Variants in CPT1C observed in about 807,000 individuals in gnomAD.
CPT1C encodes carnitine palmitoyltransferase 1C.
CPT1C carries 61 observed loss-of-function variants against 97.3 expected under a neutral mutation model. That is an observed-to-expected ratio of 0.63 (90% CI 0.51 to 0.78). The LOEUF is 0.78. CPT1C is among the 30% of genes least tolerant of loss of function. The pLI is 0.00. For missense variants in CPT1C, 975 were observed against 1,065.5 expected (o/e 0.92, Z 1.18); for synonymous variants, 469 against 447.2 (o/e 1.05, Z -0.61).
Position 49,701,641 on chromosome 19 carries a change from C to A in CPT1C, c.693+7C>A, listed in dbSNP as rs775067676. On this transcript the variant is annotated splice_region_variant and intron_variant, in intron 7 of 19. Transcript: ENST00000598293. ...CTGGTGGGCGTCCAATTATGTGAGT[C>A]CCGCCACCGCCACCAACGCCCCACC... is the stretch of plus-strand genomic sequence containing the variant. 8 of 1,587,960 alleles carry A rather than the reference C, an allele frequency of 5.0e-6. No homozygotes were observed. The highest frequency in any genetic ancestry group is 6.9e-6 in the Non-Finnish European group (8 of 1,162,354).
At chr19:49,697,282 A>AG in intron 3 of CPT1C, 44 bp from the exon 4 acceptor site, 2 of 1,612,258 alleles carry the variant, frequency 1.2e-6, no homozygotes, top group East Asian at 4.5e-5. Context: ...AGGGGCTCAG[A>AG]GGAGAGGGCA....
At chr19:49,703,582 TCCC>T (rs2083324030) in intron 7 of CPT1C, among the ~76,000 whole-genome samples, 1 of 38,712 alleles carries the variant, frequency 2.6e-5, no homozygotes, top group Admixed American at 3.8e-4. Context: ...CCTCCCTCCC[TCCC>T]TCCCTCCCTC....
intron 10 of CPT1C, 26 bp from the exon 11 acceptor site, chr19:49,705,883 C>CA: frequency 6.3e-7 from 1 of 1,594,786 alleles, no homozygotes; most frequent in Non-Finnish European, 8.6e-7. Context: ...TTCCTGCCCC[C>CA]ATGCTTCTGC....
chr19:49,709,029 C>T (rs868792108), intron 14 of CPT1C, among the ~76,000 whole-genome samples, 190 bp downstream of exon 14: 3 of 150,948 alleles, frequency 2.0e-5, no homozygotes, highest in African/African-American at 4.9e-5. Context: ...CGAACCTCAT[C>T]TCCAGCCCCA....
intron 17 of CPT1C, chr19:49,712,528 GGAGAA>G (rs2083962073): frequency 1.7e-6 from 1 of 577,662 alleles, no homozygotes; most frequent in African/African-American, 1.9e-5. Flanking sequence ...GTGGTCCGAG[GGAGAA>G]GAGGAGAGGG....
chr19:49,706,220 G>A lies in CPT1C; in HGVS notation c.1161-11G>A, dbSNP rs368217937. 12 of 1,532,568 alleles carry A rather than the reference G, an allele frequency of 7.8e-6. No homozygotes were observed. Among genetic ancestry groups the A allele is most frequent in the East Asian group, 2.3e-5 (1 of 43,564 alleles). The allele number at this position is 1,532,568 out of a possible 1,614,324, so 94.9% of individuals were successfully genotyped here. A position where few individuals can be genotyped will look rare whatever the true frequency, so the allele number is the denominator to read the frequency against. ...GGCAGGATGGACTCAGGCACATCCC[G>A]GGCCCTCCAGGGGCACGTGGGCCCA... On this transcript the variant is annotated splice_polypyrimidine_tract_variant and intron_variant, in intron 11 of 19. Coordinates refer to ENST00000598293, the MANE Select transcript of CPT1C (RefSeq NM_001199753.2). The surrounding 1 kb of genome is among the most constrained non-coding windows in gnomAD (Gnocchi z 4.8).
chr19:49,711,074 G>T (rs1387619195), intron 16 of CPT1C: 4 of 450,560 alleles, frequency 8.9e-6, no homozygotes, highest in Non-Finnish European at 1.6e-5. Context: ...CAGGGCACTG[G>T]GGGTGCACCC....
chr19:49,692,556 T>C (rs2082416236), intron 3 of CPT1C, among the ~76,000 whole-genome samples, 163 bp downstream of exon 3: 1 of 152,160 alleles, frequency 6.6e-6, no homozygotes. Context: ...TAGCAATTTC[T>C]CCGTGGCTCA....
At chr19:49,700,120 A>G (rs576195608) in intron 4 of CPT1C, among the ~76,000 whole-genome samples, 60 of 142,522 alleles carry the variant, frequency 4.2e-4, no homozygotes, top group African/African-American at 1.3e-3. Context: ...GGTGGTGGGC[A>G]CCTGTATTCC....
At chr19:49,694,073 AT>A (rs986400871) in intron 3 of CPT1C, among the ~76,000 whole-genome samples, 1 of 131,466 alleles carries the variant, frequency 7.6e-6, no homozygotes, top group Admixed American at 7.4e-5. Context: ...TCAAAAAAAA[AT>A]AAAATAAAAT....
chr19:49,710,765 C>T lies in CPT1C; in HGVS notation c.1774C>T (p.Arg592Cys), dbSNP rs751176333. 6.2e-6 allele frequency: 10 copies of T among 1,613,874 alleles called. No individual in the cohort carries two copies. Among genetic ancestry groups the T allele is most frequent in the African/African-American group, 5.3e-5 (4 of 74,908 alleles). ...FCLTYESAMT[R>C]LFLEGRTETV... ...CCTGACTTATGAGTCGGCCATGACTCGCTTATTCCTGGAAGGCCGGACGGA... is the reference window on the plus strand; with the variant it reads ...CCTGACTTATGAGTCGGCCATGACTTGCTTATTCCTGGAAGGCCGGACGGA... Residue 592 changes from arginine to cysteine, a missense_variant, in exon 16 of 20, where the codon CGC becomes TGC. Arg to Cys is a radical substitution (Grantham distance 180, BLOSUM62 -3). Transcript: ENST00000598293.
At chr19:49,711,754 GC>G (rs1217576861) in intron 16 of CPT1C, 54 bp from the exon 17 acceptor site, 33 of 1,553,002 alleles carry the variant, frequency 2.1e-5, no homozygotes, top group Non-Finnish European at 1.7e-5. Context: ...CGCAGGCCCA[GC>G]CCTAAGTCGA....
chr19:49,690,825 C>T (rs530620873), upstream of CPT1C: 144 of 252,874 alleles, frequency 5.7e-4, no homozygotes, highest in African/African-American at 3.2e-3. This position sits in a 1 kb window ranked among gnomAD's most constrained non-coding sequence, Gnocchi z 4.4. Flanking sequence ...CTCCGGCACC[C>T]TACGCGCCTG....
chr19:49,704,673 C>T, intron 7 of CPT1C, 37 bp from the exon 8 acceptor site: 1 of 1,556,674 alleles, frequency 6.4e-7, no homozygotes, highest in Middle Eastern at 1.7e-4. Flanking sequence ...CAACAGGCCC[C>T]AGCCCCTCAC....
chr19:49,704,492 C>A (rs2083388966), intron 7 of CPT1C, among the ~76,000 whole-genome samples: 1 of 152,168 alleles, frequency 6.6e-6, no homozygotes, highest in Admixed American at 6.6e-5. Context: ...TTTCCACCAG[C>A]TATGTAATAT....
At chr19:49,703,793 T>C (rs12977140) in intron 7 of CPT1C, among the ~76,000 whole-genome samples, 18,567 of 151,518 alleles carry the variant, frequency 0.12, 1,368 homozygotes, top group Non-Finnish European at 0.17. Flanking sequence ...CCCCTAAGCC[T>C]GGCTAATTTT....
At chr19:49,692,118 G>A (rs2082385974) in intron 2 of CPT1C, 121 bp from the exon 3 acceptor site, 1 of 1,012,800 alleles carries the variant, frequency 9.9e-7, no homozygotes, top group African/African-American at 1.6e-5. Context: ...CTGGATCTGA[G>A]AGAGGAGGGA....
chr19:49,713,364 A>G, intron 19 of CPT1C, 56 bp from the exon 20 acceptor site: 1 of 1,493,340 alleles, frequency 6.7e-7, no homozygotes, highest in Non-Finnish European at 9.1e-7. Context: ...CTTGTTTCTC[A>G]GCCTCCAGGA....
In CPT1C at chr19:49,705,949, C is replaced by A; in HGVS notation, c.1005C>A (p.Val335=). ...TCCATGACAGCCAACACGTGGCTGTCTTCCACCGGGGCCGATTCTTCCGCA... is the reference window on the plus strand; with the variant it reads ...TCCATGACAGCCAACACGTGGCTGTATTCCACCGGGGCCGATTCTTCCGCA... ...RHLHDSQHVA[V]FHRGRFFRMG... Residue 335 remains valine, a synonymous_variant, in exon 11 of 20, where the codon GTC becomes GTA. Coordinates refer to ENST00000598293, the MANE Select transcript of CPT1C (RefSeq NM_001199753.2). 5 of 1,613,954 alleles carry A rather than the reference C, an allele frequency of 3.1e-6. No homozygotes were observed. Among genetic ancestry groups the A allele is most frequent in the Non-Finnish European group, 4.2e-6 (5 of 1,179,954 alleles).
Sources: allele counts gnomAD v4.1 joint callset (sites outside exome capture counted in the v4.1 genomes callset), GRCh38; gene constraint gnomAD v4.1.1; non-coding constraint Gnocchi (gnomAD v3.1); transcripts MANE v1.5; gene names NCBI Gene and HGNC (gene_info 2026-07-23, HGNC 2026-07-21).